The following MON2 variants were observed in gnomAD, a reference collection of about 807,000 sequenced individuals.
MON2 encodes protein MON2 homolog.
A neutral mutation model predicts 208.6 loss-of-function variants in MON2; 84 were observed. The ratio of observed to expected loss-of-function variants is 0.40; its 90% CI spans 0.34 to 0.48. The LOEUF is 0.48. Among genes scored for constraint, MON2 ranks in the 20% least tolerant of loss-of-function variants. The pLI, the probability that MON2 is intolerant of heterozygous loss-of-function variation, is 0.59. For missense variants in MON2, 1,611 were observed against 2,015.4 expected, an observed-to-expected ratio of 0.80 and a Z score of 3.84; for synonymous variants, 660 against 694.0, an observed-to-expected ratio of 0.95 and a Z score of 0.77.
In MON2 at chr12:62,467,120, C is replaced by T. The variant is rs2068553446; in HGVS notation, c.-88C>T. 7 of 1,073,548 alleles carry T rather than the reference C, an allele frequency of 6.5e-6. No homozygotes were observed. In the East Asian group the frequency reaches 1.2e-4, roughly 19 times the overall value. The allele number at this position is 1,073,548 out of a possible 1,614,324, so 66.5% of individuals were successfully genotyped here. A position where few individuals can be genotyped will look rare whatever the true frequency, so the allele number is the denominator to read the frequency against. ...CGGGCTGCTGAAGGACCAGAGACAC[C>T]GGGAGGGAGCTGCCTGTGGCCCTAA... On this transcript the variant is annotated 5_prime_UTR_variant, in exon 1 of 35. Coordinates refer to ENST00000393630, the MANE Select transcript of MON2 (RefSeq NM_015026.3).
chr12:62,500,596 G>C (rs2070772826), intron 5 of MON2, among the ~76,000 whole-genome samples, 187 bp from the exon 6 acceptor site: 1 of 152,206 alleles, frequency 6.6e-6, no homozygotes, highest in Non-Finnish European at 1.5e-5. Context: ...ATGGTATTTG[G>C]TGTAAAAACA....
At chr12:62,584,558 C>T (rs955809360) in intron 32 of MON2, among the ~76,000 whole-genome samples, 10 of 151,874 alleles carry the variant, frequency 6.6e-5, no homozygotes, top group African/African-American at 2.4e-4. Flanking sequence ...AAAAAATTAG[C>T]TGGGTGTGGT....
intron 1 of MON2, among the ~76,000 whole-genome samples, chr12:62,476,011 CAAAA>C (rs2069054156): frequency 1.4e-5 from 2 of 143,748 alleles, no homozygotes; most frequent in African/African-American, 4.9e-5. Flanking sequence ...AACTCCGTCT[CAAAA>C]AGAAAAGAAA....
intron 4 of MON2, 26 bp downstream of exon 4, chr12:62,495,173 A>G (rs1436020378): frequency 1.3e-6 from 2 of 1,580,430 alleles, no homozygotes; most frequent in African/African-American, 1.4e-5. Context: ...GCCAGAGTTC[A>G]TATGTGCTTT....
intron 12 of MON2, among the ~76,000 whole-genome samples, chr12:62,534,529 AAAAAAAAAAAAAAAT>A (rs1365389706): frequency 2.1e-4 from 6 of 28,044 alleles, no homozygotes; most frequent in African/African-American, 1.2e-3. Context: ...AAAAAAAAAA[AAAAAAAAAAAAAAAT>A]ATATATATAT....
At chr12:62,478,404 G>T (rs1327874008) in intron 1 of MON2, among the ~76,000 whole-genome samples, 1 of 152,168 alleles carries the variant, frequency 6.6e-6, no homozygotes, top group Non-Finnish European at 1.5e-5. Flanking sequence ...AGTTACCGTA[G>T]AAGAAAGTGA....
intron 12 of MON2, among the ~76,000 whole-genome samples, chr12:62,534,541 AAATATATATATATATAT>A (rs2072842389): frequency 4.6e-5 from 1 of 21,770 alleles, no homozygotes; most frequent in Non-Finnish European, 8.6e-5. Flanking sequence ...AAAAAAAAAA[AAATATATATATATATAT>A]ATATATATAT....
intron 7 of MON2, among the ~76,000 whole-genome samples, chr12:62,503,949 T>C (rs750406637): frequency 3.7e-4 from 56 of 150,932 alleles, no homozygotes; most frequent in Non-Finnish European, 6.1e-4. Flanking sequence ...ACTTATCACC[T>C]CCTGCCTGAC....
intron 12 of MON2, among the ~76,000 whole-genome samples, chr12:62,532,969 A>G (rs747336037): frequency 5.3e-5 from 8 of 152,294 alleles, no homozygotes; most frequent in Non-Finnish European, 7.4e-5. Context: ...TTTAACATCA[A>G]TACAATATTA....
chr12:62,544,737 C>T (rs1565668361), intron 20 of MON2, 161 bp from the exon 21 acceptor site: 2 of 1,520,982 alleles, frequency 1.3e-6, no homozygotes, highest in Non-Finnish European at 1.8e-6. Context: ...TCTTCTGTCT[C>T]TCTATTGCTT....
chr12:62,536,686 G>GT (rs912936345), intron 14 of MON2, among the ~76,000 whole-genome samples: 15 of 147,028 alleles, frequency 1.0e-4, no homozygotes, highest in African/African-American at 3.8e-4. Context: ...AAGTTTTTGT[G>GT]TTTTTTTGTT....
Position 62,594,560 on chromosome 12 carries a change from T to C in MON2, c.*1811T>C, listed in dbSNP as rs557620635. 2.0e-5 allele frequency: 3 copies of C among 152,338 alleles called. No individual in the cohort carries two copies. In the East Asian group the frequency reaches 5.8e-4, roughly 29 times the overall value. 9.4% of individuals were successfully genotyped at this position (152,338 alleles called of 1,614,324 possible). On this transcript the variant is annotated 3_prime_UTR_variant, in exon 35 of 35. Coordinates refer to ENST00000393630, the MANE Select transcript of MON2 (RefSeq NM_015026.3). Reference sequence around the variant, plus strand: ...ATCCACATAATCACTGATAAAGCATTGAAACAGAATAACCCAAGGGTAGTG... The same window carrying C: ...ATCCACATAATCACTGATAAAGCATCGAAACAGAATAACCCAAGGGTAGTG...
rs1188233637 is a variant in MON2 at position 62,592,926 on chromosome 12, A to G, written c.*177A>G. On this transcript the variant is annotated 3_prime_UTR_variant, in exon 35 of 35. Transcript: ENST00000393630. ...CATATTACAGGCTTGCACATCAACA[A>G]AGGCTCCTGAATGAACAGCAGTGTA... The G allele has an allele frequency of 1.8e-6, 1 of 548,484 alleles. No individual in the cohort carries two copies. Among genetic ancestry groups the G allele is most frequent in the East Asian group, 2.9e-5 (1 of 34,676 alleles). The allele number at this position is 548,484 out of a possible 1,614,324, so 34.0% of individuals were successfully genotyped here. A position where few individuals can be genotyped will look rare whatever the true frequency, so the allele number is the denominator to read the frequency against.
chr12:62,568,842 G>A (rs574206332), intron 29 of MON2, among the ~76,000 whole-genome samples: 13 of 152,018 alleles, frequency 8.6e-5, no homozygotes, highest in Admixed American at 2.6e-4. Context: ...TAGTAGAGAC[G>A]GGGTTTCACC....
chr12:62,475,182 T>C (rs2069001118), intron 1 of MON2, among the ~76,000 whole-genome samples: 1 of 152,158 alleles, frequency 6.6e-6, no homozygotes, highest in Non-Finnish European at 1.5e-5. Flanking sequence ...CCTGCTAGTC[T>C]CCAAATATGT....
chr12:62,566,496 T>C lies in MON2; in HGVS notation c.4323+46T>C, dbSNP rs559489097. 2.6e-6 allele frequency: 4 copies of C among 1,521,958 alleles called. No homozygotes were observed. The East Asian group carries it at 9.1e-5, about 35-fold the overall frequency. 94.3% of individuals were successfully genotyped at this position (1,521,958 alleles called of 1,614,324 possible). Reference sequence around the variant, plus strand: ...CACTTTCATTAGATGGTGTGAACATTATTGAAATTATTCCTTAGGTAATAC... The same window carrying C: ...CACTTTCATTAGATGGTGTGAACATCATTGAAATTATTCCTTAGGTAATAC... On this transcript the variant is annotated intron_variant, in intron 29 of 34. Transcript: ENST00000393630.
At chr12:62,569,282 A>G (rs1021831471) in intron 29 of MON2, among the ~76,000 whole-genome samples, 1 of 152,166 alleles carries the variant, frequency 6.6e-6, no homozygotes, top group Non-Finnish European at 1.5e-5. Context: ...AAATGGCCCT[A>G]TATCACTTAG....
At chr12:62,519,249 G>A (rs566880161) in intron 8 of MON2, among the ~76,000 whole-genome samples, 61 of 152,184 alleles carry the variant, frequency 4.0e-4, no homozygotes, top group African/African-American at 1.3e-3. Flanking sequence ...GCACACCACC[G>A]TTCCAATCAT....
intron 12 of MON2, among the ~76,000 whole-genome samples, chr12:62,533,762 A>G (rs1467886935): frequency 6.6e-6 from 1 of 152,176 alleles, no homozygotes; most frequent in Admixed American, 6.5e-5. Flanking sequence ...TAGGAAATAC[A>G]TAGCCACATA....
Sources: gnomAD v4.1 joint callset for allele counts (sites outside exome capture counted in the v4.1 genomes callset) on GRCh38, gnomAD v4.1.1 for gene constraint, MANE v1.5 for transcripts, NCBI Gene and HGNC (gene_info 2026-07-23, HGNC 2026-07-21) for gene names.